DNASE1L3: variants seen among roughly 807,000 people sequenced by gnomAD.
The protein encoded by DNASE1L3 is deoxyribonuclease gamma.
In DNASE1L3, 27 loss-of-function variants were observed where a neutral mutation model predicts 30.9. The ratio of observed to expected loss-of-function variants is 0.87; its 90% CI spans 0.64 to 1.20. The LOEUF is 1.20. Among genes scored for constraint, DNASE1L3 ranks in the 50% most tolerant of loss-of-function variants. The pLI is 0.00. For synonymous variants in DNASE1L3, 135 were observed against 138.0 expected (o/e 0.98, Z 0.15); for missense variants, 364 against 378.2 (o/e 0.96, Z 0.31).
Position 58,200,351 on chromosome 3 carries a change from AT to A in DNASE1L3, c.546+645del, listed in dbSNP as rs2097399862. Among the ~76,000 whole-genome samples the A allele has an allele frequency of 6.6e-6, 1 of 152,138 alleles. No individual in the cohort carries two copies. The highest frequency in any genetic ancestry group is 6.5e-5 in the Admixed American group (1 of 15,278). On this transcript the variant is annotated intron_variant, in intron 5 of 7. Transcript: ENST00000394549. The surrounding 1 kb of genome is among the most constrained non-coding windows in gnomAD (Gnocchi z 4.2). ...TATTTGTTGCCTTGTGGGAAAGAAA[AT>A]TTATTTTGGTCTGGAGGCTGCTGGT...
At chr3:58,207,168 T>C (rs529227149) in intron 2 of DNASE1L3, among the ~76,000 whole-genome samples, 1 of 152,180 alleles carries the variant, frequency 6.6e-6, no homozygotes, top group East Asian at 1.9e-4. Context: ...GTCAGGAATT[T>C]AAGGCCAGCC....
chr3:58,196,646 G>A (rs1437359608), intron 6 of DNASE1L3, among the ~76,000 whole-genome samples: 1 of 151,818 alleles, frequency 6.6e-6, no homozygotes, highest in Non-Finnish European at 1.5e-5. Context: ...ACTTCCTCGT[G>A]GCAGGCTGAG....
Position 58,200,938 on chromosome 3 carries a change from C to T in DNASE1L3, c.546+59G>A. On this transcript the variant is annotated intron_variant, in intron 5 of 7. Coordinates refer to ENST00000394549, the MANE Select transcript of DNASE1L3 (RefSeq NM_004944.4). The surrounding 1 kb of genome is among the most constrained non-coding windows in gnomAD (Gnocchi z 4.2). ...CCTCCCTGGAGAGGTACTCATCCCA[C>T]TCAGGGACCAGAGCCTGCCCCTGCT... 6.9e-7 allele frequency: 1 copy of T among 1,441,008 alleles called. No homozygotes were observed. Among genetic ancestry groups the T allele is most frequent in the Non-Finnish European group, 9.7e-7 (1 of 1,035,248 alleles). 89.3% of individuals were successfully genotyped at this position (1,441,008 alleles called of 1,614,324 possible).
rs930534313 is a variant in DNASE1L3, at chr3:58,200,859, G to A, written c.546+138C>T. On this transcript the variant is annotated intron_variant, in intron 5 of 7. Transcript: ENST00000394549. The surrounding 1 kb of genome is among the most constrained non-coding windows in gnomAD (Gnocchi z 4.2). ...AAAGGGATACTTAGGGCTGAAGAAAGGCCTTAAAGAATGCTGTAAGTGGTG... is the reference window on the plus strand; with the variant it reads ...AAAGGGATACTTAGGGCTGAAGAAAAGCCTTAAAGAATGCTGTAAGTGGTG... 17 of 598,142 alleles carry A rather than the reference G, an allele frequency of 2.8e-5. No homozygotes were observed. The highest frequency in any genetic ancestry group is 1.7e-4 in the East Asian group (6 of 34,574). The allele number at this position is 598,142 out of a possible 1,614,324, so 37.1% of individuals were successfully genotyped here.
At position 58,197,697 on chromosome 3, in the gene DNASE1L3, T is replaced by TC; in HGVS notation, c.704+123dup. Reference sequence around the variant, plus strand: ...CAAACTCCTGTACTCAAGCGATCCATCCATCGAGGCCTCCCAAAGTGCTAG... The same window carrying TC: ...CAAACTCCTGTACTCAAGCGATCCATCCCATCGAGGCCTCCCAAAGTGCTAG... On this transcript the variant is annotated intron_variant, in intron 6 of 7. Transcript: ENST00000394549. The surrounding 1 kb of genome is among the most constrained non-coding windows in gnomAD (Gnocchi z 5.3). 7.7e-7 allele frequency: 1 copy of TC among 1,301,744 alleles called. No individual in the cohort carries two copies. The highest frequency in any genetic ancestry group is 2.3e-5 in the East Asian group (1 of 42,864). 80.6% of individuals were successfully genotyped at this position (1,301,744 alleles called of 1,614,324 possible).
At chr3:58,207,952 C>G (rs2097405176) in intron 2 of DNASE1L3, 1 of 384,420 alleles carries the variant, frequency 2.6e-6, no homozygotes, top group African/African-American at 2.0e-5. Flanking sequence ...CATAACTGTA[C>G]TTTTTAGCTC....
In DNASE1L3 at chr3:58,210,244, AAAAG is replaced by A. The variant is rs71625612; in HGVS notation, c.141+518_141+521del. Among the ~76,000 whole-genome samples, 744 of 101,924 alleles carry A rather than the reference AAAAG, an allele frequency of 7.3e-3. 5 individuals are homozygous for A. The highest frequency in any genetic ancestry group is 8.4e-3 in the Non-Finnish European group (431 of 51,254). 66.9% of individuals were successfully genotyped at this position (101,924 alleles called of 152,430 possible). ...AGGAAGAAAGAAAAAGGAAGAAAGA[AAAAG>A]AAAGAAAGAAAGAGAGAAAGAAAGA... On this transcript the variant is annotated intron_variant, in intron 1 of 7. Coordinates refer to ENST00000394549, the MANE Select transcript of DNASE1L3 (RefSeq NM_004944.4).
In DNASE1L3 at chr3:58,208,306, C is replaced by A; in HGVS notation, c.142G>T (p.Val48Phe). 1 of 1,614,196 alleles carries A rather than the reference C, an allele frequency of 6.2e-7. No homozygotes were observed. The highest frequency in any genetic ancestry group is 8.5e-7 in the Non-Finnish European group (1 of 1,180,026). ...DKNAMDVIVK[V>F]IKRCDIILVM... ...AGTATGATGTCACAGCGTTTGATGA[C>A]CTGCAAGAAAGAGAATTCCCAGGGG... Residue 48 changes from valine (V) to phenylalanine (F), a missense_variant and splice_region_variant, in exon 2 of 8, where the codon GTC (valine) becomes TTC (phenylalanine). Transcript: ENST00000394549.
At chr3:58,205,369 T>C (rs2107378731) in intron 3 of DNASE1L3, 102 bp downstream of exon 3, 2 of 1,018,642 alleles carry the variant, frequency 2.0e-6, no homozygotes, top group African/African-American at 1.6e-5. Context: ...ACACTGAGAA[T>C]TGGTTAGAAA....
chr3:58,201,222 GT>G, intron 4 of DNASE1L3, 113 bp from the exon 5 acceptor site: 1 of 717,148 alleles, frequency 1.4e-6, no homozygotes. Flanking sequence ...CATTATCTGG[GT>G]CCCCAGTTCC....
At chr3:58,201,283 G>T (rs993522126) in intron 4 of DNASE1L3, among the ~76,000 whole-genome samples, 174 bp from the exon 5 acceptor site, 5 of 152,188 alleles carry the variant, frequency 3.3e-5, no homozygotes, top group Admixed American at 6.5e-5. Context: ...GGGTCATTAG[G>T]CTGCCTATTT....
In DNASE1L3 at chr3:58,192,536, C is replaced by T; in HGVS notation, c.*151G>A. ...ACCAAGAGAGATACAAAAGATTCTCCTTCCAATTTGGCTCAAGTCAGAATA... is the reference window on the plus strand; with the variant it reads ...ACCAAGAGAGATACAAAAGATTCTCTTTCCAATTTGGCTCAAGTCAGAATA... On this transcript the variant is annotated 3_prime_UTR_variant, in exon 8 of 8. Coordinates refer to ENST00000394549, the MANE Select transcript of DNASE1L3 (RefSeq NM_004944.4). This position sits in a 1 kb window ranked among gnomAD's most constrained non-coding sequence, Gnocchi z 4.8. 1 of 796,412 alleles carries T rather than the reference C, an allele frequency of 1.3e-6. No individual in the cohort carries two copies. Among genetic ancestry groups the T allele is most frequent in the Non-Finnish European group, 2.0e-6 (1 of 509,232 alleles). The allele number at this position is 796,412 out of a possible 1,614,324, so 49.3% of individuals were successfully genotyped here.
intron 1 of DNASE1L3, among the ~76,000 whole-genome samples, chr3:58,210,236 A>G (rs769975397): frequency 2.3e-5 from 2 of 85,914 alleles, no homozygotes; most frequent in Non-Finnish European, 4.2e-5. Context: ...AAGAAAAAGG[A>G]AGAAAGAAAA....
At chr3:58,206,025 T>G (rs961607606) in intron 2 of DNASE1L3, among the ~76,000 whole-genome samples, 1 of 152,248 alleles carries the variant, frequency 6.6e-6, no homozygotes, top group African/African-American at 2.4e-5. Context: ...GAACCACTCC[T>G]GAGCATTTAT....
chr3:58,201,714 C>T (rs183340373), intron 4 of DNASE1L3, among the ~76,000 whole-genome samples: 3 of 152,150 alleles, frequency 2.0e-5, no homozygotes, highest in African/African-American at 2.4e-5. Flanking sequence ...ATTAGCCAGT[C>T]GGGTTAGCTT....
At chr3:58,208,000 A>T (rs531488581) in intron 2 of DNASE1L3, 84 of 470,716 alleles carry the variant, frequency 1.8e-4, no homozygotes, top group African/African-American at 1.5e-3. Context: ...CTGTGTCCAG[A>T]CCCCTCATCT....
rs1051633384 is a variant in DNASE1L3, at chr3:58,197,150, G to A, written c.704+671C>T. ...AGGCATTGTGCTAGCAGCCTGACAT[G>A]TTATTTCATTTACTCCACATCGGAT... On this transcript the variant is annotated intron_variant, in intron 6 of 7. Coordinates refer to ENST00000394549, the MANE Select transcript of DNASE1L3 (RefSeq NM_004944.4). This position sits in a 1 kb window ranked among gnomAD's most constrained non-coding sequence, Gnocchi z 5.3. Among the ~76,000 whole-genome samples, 1 of 152,202 alleles carries A rather than the reference G, an allele frequency of 6.6e-6. No homozygotes were observed. Among genetic ancestry groups the A allele is most frequent in the African/African-American group, 2.4e-5 (1 of 41,442 alleles).
At chr3:58,193,990 ACTC>A (rs2097395699) in intron 6 of DNASE1L3, among the ~76,000 whole-genome samples, 1 of 152,196 alleles carries the variant, frequency 6.6e-6, no homozygotes, top group Non-Finnish European at 1.5e-5. Context: ...CTGCTTTCTT[ACTC>A]ATGCTAGTAT....
chr3:58,203,866 G>A (rs1389922466), intron 4 of DNASE1L3, among the ~76,000 whole-genome samples: 3 of 152,092 alleles, frequency 2.0e-5, no homozygotes, highest in Non-Finnish European at 4.4e-5. Flanking sequence ...ACCCTGGCCT[G>A]TCCATTTCAG....
Sources: gnomAD v4.1 joint callset for allele counts (sites outside exome capture counted in the v4.1 genomes callset) on GRCh38, gnomAD v4.1.1 for gene constraint, Gnocchi (gnomAD v3.1) non-coding constraint, MANE v1.5 for transcripts, NCBI Gene and HGNC (gene_info 2026-07-23, HGNC 2026-07-21) for gene names.